Variants in CDH18 observed in about 807,000 individuals in gnomAD.
The protein encoded by CDH18 is cadherin 18, also known as cadherin-18.
A neutral mutation model predicts 67.9 loss-of-function variants in CDH18; 31 were observed. The observed-to-expected ratio is 0.46, with a 90% CI of 0.34 to 0.62. The LOEUF is 0.62. Ranked by LOEUF, CDH18 falls within the 20% of genes least tolerant of loss-of-function variation. CDH18 has a pLI of 0.01. For missense variants in CDH18, 890 were observed against 975.5 expected (o/e 0.91, Z 1.17); for synonymous variants, 362 against 347.2 (o/e 1.04, Z -0.48).
At chr5:19,564,950 C>T (rs1347940868) in intron 8 of CDH18, among the ~76,000 whole-genome samples, 3 of 151,952 alleles carry the variant, frequency 2.0e-5, no homozygotes, top group African/African-American at 4.8e-5. Flanking sequence ...GGGAGAAACT[C>T]CTGCTTGAGA....
At chr5:19,898,911 T>C (rs1789634374) in intron 2 of CDH18, among the ~76,000 whole-genome samples, 1 of 152,154 alleles carries the variant, frequency 6.6e-6, no homozygotes, top group Non-Finnish European at 1.5e-5. Flanking sequence ...ATATATCTGT[T>C]AAGAGGCTCA....
At chr5:20,337,812 A>T (rs1033229753) in intron 1 of CDH18, among the ~76,000 whole-genome samples, 1 of 152,208 alleles carries the variant, frequency 6.6e-6, no homozygotes, top group African/African-American at 2.4e-5. Flanking sequence ...TTACTTTATT[A>T]GTCTGTTTTC....
chr5:20,284,531 T>C lies in CDH18; in HGVS notation c.-579-29026A>G, dbSNP rs547846245. ...TTTTTTCCCACCGTTATTGGAACGA[T>C]TGACATTTGACTTAAGCATTATTCT... On this transcript the variant is annotated intron_variant, in intron 1 of 14. Transcript: ENST00000507958. Among the ~76,000 whole-genome samples the C allele has an allele frequency of 1.5e-3, 234 of 152,090 alleles. 2 individuals carry two copies. Among genetic ancestry groups the C allele is most frequent in the African/African-American group, 5.4e-3 (226 of 41,562 alleles).
At chr5:19,643,422 G>C (rs1754311784) in intron 5 of CDH18, among the ~76,000 whole-genome samples, 1 of 152,086 alleles carries the variant, frequency 6.6e-6, no homozygotes, top group African/African-American at 2.4e-5. Flanking sequence ...CTAAGATAAA[G>C]AAACCATCTA....
In CDH18 at chr5:19,728,022, T is replaced by A. The variant is rs981379510; in HGVS notation, c.524-6556A>T. The stretch of plus-strand genomic sequence containing the variant: ...TTATTTACACTGTGTGCCCAAATTT[T>A]ATGCATAGTAGAAAAGAAAAAAAAT... On this transcript the variant is annotated intron_variant, in intron 4 of 12. Transcript: ENST00000382275. Among the ~76,000 whole-genome samples the A allele has an allele frequency of 3.3e-5, 5 of 152,140 alleles. No homozygotes were observed. In the South Asian group the frequency reaches 8.3e-4, roughly 25 times the overall value.
At chr5:20,177,851 T>G (rs1737363507) in intron 2 of CDH18, among the ~76,000 whole-genome samples, 1 of 152,246 alleles carries the variant, frequency 6.6e-6, no homozygotes, top group Non-Finnish European at 1.5e-5. Flanking sequence ...CTCTCTTTGC[T>G]GCTGCCATCC....
intron 1 of CDH18, among the ~76,000 whole-genome samples, chr5:20,392,602 T>C (rs1427812289): frequency 6.6e-6 from 1 of 151,940 alleles, no homozygotes; most frequent in East Asian, 1.9e-4. Context: ...TGAAAAATTA[T>C]GTAATATGCC....
intron 1 of CDH18, among the ~76,000 whole-genome samples, chr5:20,334,928 A>T (rs1377538872): frequency 6.6e-6 from 1 of 152,134 alleles, no homozygotes; most frequent in Non-Finnish European, 1.5e-5. Flanking sequence ...CACAGTGAAA[A>T]TTGGTCTTTC....
At chr5:20,466,470 A>G (rs918688899) in intron 1 of CDH18, among the ~76,000 whole-genome samples, 1 of 152,058 alleles carries the variant, frequency 6.6e-6, no homozygotes, top group Admixed American at 6.6e-5. Flanking sequence ...AGAATCACAC[A>G]ATTATGTCTC....
intron 2 of CDH18, among the ~76,000 whole-genome samples, chr5:20,219,958 A>C (rs576597963): frequency 6.6e-6 from 1 of 152,060 alleles, no homozygotes; most frequent in Middle Eastern, 3.4e-3. Context: ...ATAAAACATT[A>C]ATGCAAGGAA....
chr5:19,991,279 G>GT (rs1218422829), upstream of CDH18, among the ~76,000 whole-genome samples: 2 of 152,088 alleles, frequency 1.3e-5, no homozygotes, highest in Admixed American at 6.6e-5. Flanking sequence ...TTTTAGAGCG[G>GT]TCAACTGCAC....
intron 4 of CDH18, among the ~76,000 whole-genome samples, chr5:19,726,487 G>A (rs765464161): frequency 3.9e-5 from 6 of 152,084 alleles, no homozygotes; most frequent in Non-Finnish European, 8.8e-5. Flanking sequence ...TGGTTGAAGG[G>A]AGCACACACA....
At chr5:19,928,679 G>A (rs887036229) in intron 2 of CDH18, among the ~76,000 whole-genome samples, 1 of 152,108 alleles carries the variant, frequency 6.6e-6, no homozygotes, top group Non-Finnish European at 1.5e-5. Flanking sequence ...TCAGAACACT[G>A]GGAGGATTGG....
chr5:20,212,927 T>C (rs1358852765), intron 2 of CDH18, among the ~76,000 whole-genome samples: 1 of 152,078 alleles, frequency 6.6e-6, no homozygotes, highest in East Asian at 1.9e-4. Flanking sequence ...CTGTTTTGCT[T>C]TCTTATCATT....
intron 1 of CDH18, among the ~76,000 whole-genome samples, chr5:20,559,051 G>A (rs1332884908): frequency 6.6e-6 from 1 of 150,748 alleles, no homozygotes; most frequent in Non-Finnish European, 1.5e-5. Flanking sequence ...CGGCAGACTA[G>A]ATTAATTCCT....
chr5:20,100,344 G>C (rs1191926495), intron 2 of CDH18, among the ~76,000 whole-genome samples: 1 of 152,018 alleles, frequency 6.6e-6, no homozygotes, highest in East Asian at 1.9e-4. Flanking sequence ...TGCTGAAAAA[G>C]AGACATATAT....
chr5:19,603,848 T>C (rs995418288), intron 6 of CDH18, among the ~76,000 whole-genome samples: 1 of 149,406 alleles, frequency 6.7e-6, no homozygotes, highest in African/African-American at 2.4e-5. Context: ...ATAAATAAAA[T>C]ATATATAAAT....
intron 6 of CDH18, among the ~76,000 whole-genome samples, chr5:19,611,390 T>G (rs114311718): frequency 8.5e-5 from 13 of 152,288 alleles, no homozygotes; most frequent in Non-Finnish European, 1.5e-4. Flanking sequence ...CTGTTCTAAT[T>G]CTGCAACAGG....
intron 1 of CDH18, among the ~76,000 whole-genome samples, chr5:20,544,013 A>G (rs1463763149): frequency 6.6e-6 from 1 of 152,148 alleles, no homozygotes; most frequent in East Asian, 1.9e-4. Context: ...CTATGTAATG[A>G]GTTGTTGAAT....
Sources: allele counts gnomAD v4.1 joint callset (sites outside exome capture counted in the v4.1 genomes callset), GRCh38; gene constraint gnomAD v4.1.1; transcripts MANE v1.5; gene names NCBI Gene and HGNC (gene_info 2026-07-23, HGNC 2026-07-21).